Variants in LRRC7 observed in about 807,000 individuals in gnomAD.
LRRC7 encodes the protein leucine-rich repeat-containing protein 7.
A neutral mutation model predicts 175.7 loss-of-function variants in LRRC7; 23 were observed. The observed-to-expected ratio is 0.13, with a 90% CI of 0.09 to 0.19. LRRC7 has a LOEUF of 0.19. Among genes scored for constraint, LRRC7 ranks in the 10% least tolerant of loss-of-function variants. LRRC7 has a pLI of 1.00. For synonymous variants in LRRC7, 685 were observed against 680.9 expected, an observed-to-expected ratio of 1.01 and a Z score of -0.09; for missense variants, 1,354 against 1,904.7, an observed-to-expected ratio of 0.71 and a Z score of 5.38.
At chr1:69,791,083 G>C (rs1465879013) in intron 3 of LRRC7, among the ~76,000 whole-genome samples, 1 of 151,884 alleles carries the variant, frequency 6.6e-6, no homozygotes, top group East Asian at 1.9e-4. Flanking sequence ...CTTCATCTGT[G>C]GAAATTCAGC....
intron 7 of LRRC7, among the ~76,000 whole-genome samples, chr1:69,911,830 T>C (rs1489240366): frequency 6.6e-6 from 1 of 152,104 alleles, no homozygotes; most frequent in East Asian, 1.9e-4. Flanking sequence ...CACGGAGTTA[T>C]GCCTATTTGA....
At chr1:69,944,367 C>G (rs1295099847) in intron 8 of LRRC7, among the ~76,000 whole-genome samples, 1 of 152,110 alleles carries the variant, frequency 6.6e-6, no homozygotes, top group Non-Finnish European at 1.5e-5. Flanking sequence ...AGTTGATCCA[C>G]TCATTCATCA....
chr1:69,924,122 G>A (rs1483634180), intron 7 of LRRC7, among the ~76,000 whole-genome samples: 4 of 152,084 alleles, frequency 2.6e-5, no homozygotes, highest in African/African-American at 9.7e-5. Flanking sequence ...TAGATATGCG[G>A]CGTTATTTCT....
intron 1 of LRRC7, among the ~76,000 whole-genome samples, chr1:69,652,944 A>G (rs1467730435): frequency 1.3e-5 from 2 of 152,000 alleles, no homozygotes; most frequent in African/African-American, 4.8e-5. Flanking sequence ...ACAAAAATCA[A>G]CTCAAAATGG....
chr1:70,001,524 A>C (rs574142999), intron 11 of LRRC7, among the ~76,000 whole-genome samples: 1 of 152,216 alleles, frequency 6.6e-6, no homozygotes, highest in East Asian at 1.9e-4. Context: ...CAAACGATTT[A>C]TGTTTTTAAT....
intron 1 of LRRC7, among the ~76,000 whole-genome samples, chr1:69,595,956 CTG>C (rs1646826151): frequency 1.0e-5 from 1 of 97,094 alleles, no homozygotes; most frequent in Non-Finnish European, 2.6e-5. Context: ...TACTCGTAGA[CTG>C]TTAAACTGTC....
chr1:69,885,400 G>A (rs1382868993), intron 7 of LRRC7, among the ~76,000 whole-genome samples: 1 of 145,646 alleles, frequency 6.9e-6, no homozygotes, highest in Non-Finnish European at 1.5e-5. Context: ...TAGTTTATTT[G>A]CGTAGAGGTG....
chr1:69,923,064 G>A (rs6697734), intron 7 of LRRC7, among the ~76,000 whole-genome samples: 54,843 of 151,744 alleles, frequency 0.36, 12,128 homozygotes, highest in East Asian at 0.55. Context: ...GAGAACATGC[G>A]GTGTTTGGTT....
chr1:69,906,050 T>A (rs544738722), intron 7 of LRRC7, among the ~76,000 whole-genome samples: 1 of 152,388 alleles, frequency 6.6e-6, no homozygotes, highest in South Asian at 2.1e-4. Context: ...GCTGCATAAA[T>A]GTCTTCTTTT....
intron 8 of LRRC7, among the ~76,000 whole-genome samples, chr1:69,938,223 A>G (rs896344065): frequency 2.6e-5 from 4 of 152,058 alleles, no homozygotes; most frequent in East Asian, 1.9e-4. Context: ...AACATTTGAA[A>G]CAGTAAATCA....
intron 2 of LRRC7, among the ~76,000 whole-genome samples, chr1:69,751,529 G>A (rs1045907273): frequency 2.6e-5 from 4 of 152,102 alleles, no homozygotes; most frequent in African/African-American, 9.7e-5. Context: ...GAGAATTAAA[G>A]TATAATCAAA....
At chr1:69,890,188 A>G (rs149266290) in intron 7 of LRRC7, among the ~76,000 whole-genome samples, 1 of 152,340 alleles carries the variant, frequency 6.6e-6, no homozygotes, top group East Asian at 1.9e-4. Context: ...GTGAGGAATC[A>G]CTATCTGGCT....
chr1:69,607,483 A>G (rs1292588116), intron 1 of LRRC7: 1 of 152,040 alleles, frequency 6.6e-6, no homozygotes, highest in Non-Finnish European at 1.5e-5. Flanking sequence ...ACCTTGATAT[A>G]CATTTTGATT....
At chr1:69,733,490 C>G (rs1253363473) in intron 2 of LRRC7, among the ~76,000 whole-genome samples, 2 of 151,974 alleles carry the variant, frequency 1.3e-5, no homozygotes, top group Non-Finnish European at 1.5e-5. Flanking sequence ...CTCATGTTTC[C>G]TTATTTGCAT....
chr1:70,007,844 A>C (rs1231547729), intron 11 of LRRC7, among the ~76,000 whole-genome samples: 2 of 152,116 alleles, frequency 1.3e-5, no homozygotes, highest in Non-Finnish European at 2.9e-5. Context: ...TATGTATATA[A>C]GTTTGCCTTC....
At chr1:69,794,775 T>G (rs1165317181) in intron 4 of LRRC7, among the ~76,000 whole-genome samples, 1 of 152,230 alleles carries the variant, frequency 6.6e-6, no homozygotes, top group Non-Finnish European at 1.5e-5. Context: ...TGTAAAAGTT[T>G]CTGATGGCTC....
intron 2 of LRRC7, among the ~76,000 whole-genome samples, chr1:69,725,591 T>C (rs1321540201): frequency 6.6e-6 from 1 of 152,168 alleles, no homozygotes; most frequent in African/African-American, 2.4e-5. Context: ...TCTGTATAGG[T>C]ACGAAATGCC....
chr1:69,751,481 G>A (rs1284105831), intron 2 of LRRC7, among the ~76,000 whole-genome samples: 2 of 149,910 alleles, frequency 1.3e-5, no homozygotes, highest in Non-Finnish European at 2.9e-5. Context: ...AAAAAGGAAA[G>A]AAGGAAAAGC....
chr1:69,624,092 G>C (rs1191856623), intron 1 of LRRC7, among the ~76,000 whole-genome samples: 2 of 152,066 alleles, frequency 1.3e-5, no homozygotes, highest in Non-Finnish European at 2.9e-5. Context: ...TCAACTCCAG[G>C]AGATGACGCC....
Sources: gnomAD v4.1 joint callset for allele counts (sites outside exome capture counted in the v4.1 genomes callset) on GRCh38, gnomAD v4.1.1 for gene constraint, MANE v1.5 for transcripts, NCBI Gene and HGNC (gene_info 2026-07-23, HGNC 2026-07-21) for gene names.